The following MUC7 variants were observed in gnomAD, a reference collection of about 807,000 sequenced individuals.
MUC7 encodes the protein mucin 7, secreted, also known as mucin-7.
A neutral mutation model predicts 2.5 loss-of-function variants in MUC7; 2 were observed. The ratio of observed to expected loss-of-function variants is 0.81; its 90% CI spans 0.33 to 2.55. MUC7 has a LOEUF of 2.55. Ranked by LOEUF, MUC7 falls within the 30% of genes most tolerant of loss-of-function variation. The pLI is 0.11. For synonymous variants in MUC7, 133 were observed against 173.4 expected, an observed-to-expected ratio of 0.77 and a Z score of 1.83; for missense variants, 408 against 455.6, an observed-to-expected ratio of 0.90 and a Z score of 0.95.
At chr4:70,438,096 A>G (rs1273984080) in intron 1 of MUC7, among the ~76,000 whole-genome samples, 1 of 152,174 alleles carries the variant, frequency 6.6e-6, no homozygotes, top group Non-Finnish European at 1.5e-5. Context: ...TCTGTAAGCT[A>G]CTCAAGCTGT....
chr4:70,450,971 C>T (rs951353878), intron 1 of MUC7, among the ~76,000 whole-genome samples: 1 of 134,818 alleles, frequency 7.4e-6, no homozygotes, highest in Non-Finnish European at 1.6e-5. Context: ...CAGTATGTTG[C>T]ATGCCCCCCC....
At chr4:70,476,686 C>T (rs962668931) in intron 2 of MUC7, among the ~76,000 whole-genome samples, 14 of 152,270 alleles carry the variant, frequency 9.2e-5, no homozygotes, top group African/African-American at 3.1e-4. Context: ...ACTTGGGAGG[C>T]TGATGGAGGA....
intron 1 of MUC7, among the ~76,000 whole-genome samples, chr4:70,461,135 AC>A: frequency 6.6e-6 from 1 of 152,130 alleles, no homozygotes; most frequent in Non-Finnish European, 1.5e-5. Flanking sequence ...CTCCGTCTGC[AC>A]CTTACATGTT....
chr4:70,450,064 G>T (rs1734243171), intron 1 of MUC7, among the ~76,000 whole-genome samples: 1 of 152,210 alleles, frequency 6.6e-6, no homozygotes, highest in African/African-American at 2.4e-5. Context: ...TCCCCAGATG[G>T]GTCCAGAAGT....
chr4:70,465,648 GA>G (rs1734665118), intron 1 of MUC7, among the ~76,000 whole-genome samples: 1 of 152,086 alleles, frequency 6.6e-6, no homozygotes, highest in Non-Finnish European at 1.5e-5. Context: ...AAGGATATCA[GA>G]GATTGAAGAT....
rs372481635 is a variant in MUC7, at chr4:70,435,840, C to T, written c.-93+5153C>T. 3.2e-4 allele frequency among the ~76,000 whole-genome samples: 48 copies of T among 152,194 alleles called. No homozygotes were observed. The East Asian group carries it at 5.4e-3, about 17-fold the overall frequency. On this transcript the variant is annotated intron_variant, in intron 1 of 3. Coordinates refer to the MUC7 transcript ENST00000413702. ...GGCATGTTTTTGCAGTGGTTGGTAC[C>T]GGTTTTTCCTCTCCATGTTTAGTGC...
At chr4:70,439,125 C>T (rs1472248450) in intron 1 of MUC7, among the ~76,000 whole-genome samples, 1 of 152,078 alleles carries the variant, frequency 6.6e-6, no homozygotes, top group Non-Finnish European at 1.5e-5. Flanking sequence ...ATTAAAAAGG[C>T]TAGTTTAGAT....
intron 1 of MUC7, among the ~76,000 whole-genome samples, chr4:70,441,060 C>A (rs1251160833): frequency 6.6e-6 from 1 of 152,108 alleles, no homozygotes; most frequent in Non-Finnish European, 1.5e-5. Flanking sequence ...TTGGAATAAA[C>A]CCAAGTATAT....
chr4:70,441,426 T>C (rs923296639), intron 1 of MUC7, among the ~76,000 whole-genome samples: 1 of 152,168 alleles, frequency 6.6e-6, no homozygotes, highest in South Asian at 2.1e-4. Context: ...AGTTTCATAA[T>C]GAAAAGAGAG....
At chr4:70,444,358 C>T (rs1342640121) in intron 1 of MUC7, among the ~76,000 whole-genome samples, 1 of 152,192 alleles carries the variant, frequency 6.6e-6, no homozygotes. Context: ...CCACAACACC[C>T]GTGGTCACTG....
intron 1 of MUC7, among the ~76,000 whole-genome samples, chr4:70,438,112 A>T (rs1344539865): frequency 1.3e-5 from 2 of 152,202 alleles, no homozygotes; most frequent in East Asian, 3.9e-4. Context: ...GCTGTAAGTA[A>T]TGGCTCATGT....
At chr4:70,446,763 T>C (rs1734151273) in intron 1 of MUC7, among the ~76,000 whole-genome samples, 2 of 152,198 alleles carry the variant, frequency 1.3e-5, no homozygotes. Flanking sequence ...CAAATAACAG[T>C]TACTGCTGAT....
chr4:70,432,569 C>A (rs150397819), intron 1 of MUC7, among the ~76,000 whole-genome samples: 2,895 of 152,270 alleles, frequency 0.019, 90 homozygotes, highest in African/African-American at 0.064. Flanking sequence ...CTGTTCGTAT[C>A]TTTTGCCCAC....
In MUC7 at chr4:70,466,710, A is replaced by C. The variant is rs192457252; in HGVS notation, c.-92-5505A>C. Among the ~76,000 whole-genome samples the C allele has an allele frequency of 9.6e-3, 1,464 of 152,366 alleles. 11 individuals are homozygous for C. The highest frequency in any genetic ancestry group is 0.034 in the South Asian group (162 of 4,832). On this transcript the variant is annotated intron_variant, in intron 1 of 3. Coordinates refer to the MUC7 transcript ENST00000413702. ...ATCAATGCAACAAGAAGAGCTAACT[A>C]TCCTAAATATATATGCACCCAATAC...
At chr4:70,467,730 T>C (rs1444350769), upstream of MUC7, among the ~76,000 whole-genome samples, 1 of 152,178 alleles carries the variant, frequency 6.6e-6, no homozygotes, top group African/African-American at 2.4e-5. Context: ...AATCCCTGAA[T>C]AGACCAATAA....
chr4:70,439,674 CA>C (rs753503815), intron 1 of MUC7, among the ~76,000 whole-genome samples: 11 of 151,874 alleles, frequency 7.2e-5, no homozygotes, highest in Non-Finnish European at 1.3e-4. Flanking sequence ...ACCTATTGTA[CA>C]ATGGTTTCTT....
chr4:70,453,845 T>G (rs1188907861), intron 1 of MUC7, among the ~76,000 whole-genome samples: 1 of 152,038 alleles, frequency 6.6e-6, no homozygotes, highest in Non-Finnish European at 1.5e-5. Context: ...CTAGGGCTCT[T>G]TAGTTAGCAG....
At chr4:70,439,923 C>T (rs1403818287) in intron 1 of MUC7, among the ~76,000 whole-genome samples, 2 of 151,908 alleles carry the variant, frequency 1.3e-5, no homozygotes, top group Admixed American at 6.6e-5. Flanking sequence ...AGTTTATCTT[C>T]ACAACAAAAC....
intron 2 of MUC7, among the ~76,000 whole-genome samples, chr4:70,476,299 T>C (rs1735000031): frequency 6.6e-6 from 1 of 152,196 alleles, no homozygotes; most frequent in African/African-American, 2.4e-5. Context: ...AACACCTCTA[T>C]ATTGAAAGAA....
Sources: allele counts gnomAD v4.1 joint callset (sites outside exome capture counted in the v4.1 genomes callset), GRCh38; gene constraint gnomAD v4.1.1; transcripts MANE v1.5; gene names NCBI Gene and HGNC (gene_info 2026-07-23, HGNC 2026-07-21).